FAM222B: variants seen among roughly 807,000 people sequenced by gnomAD.
The protein encoded by FAM222B is family with sequence similarity 222 member B.
FAM222B carries 12 observed loss-of-function variants against 38.0 expected under a neutral mutation model. That is an observed-to-expected ratio of 0.32 (90% CI 0.20 to 0.51). The LOEUF (loss-of-function observed/expected upper bound fraction) is 0.51. Ranked by LOEUF, FAM222B falls within the 20% of genes least tolerant of loss-of-function variation. The probability of loss-of-function intolerance (pLI) is 0.97; values close to 1 mark genes in which losing one functional copy is unlikely to be tolerated. For synonymous variants in FAM222B, 329 were observed against 317.2 expected (o/e 1.04, Z -0.40); for missense variants, 716 against 754.2 (o/e 0.95, Z 0.59).
intron 1 of FAM222B, among the ~76,000 whole-genome samples, chr17:28,815,131 G>A (rs748114743): frequency 8.6e-5 from 13 of 151,746 alleles, no homozygotes; most frequent in Non-Finnish European, 1.6e-4. Flanking sequence ...ATAATATCTA[G>A]ATGTTACACC....
At chr17:28,788,315 T>G (rs1221825855) in intron 1 of FAM222B, among the ~76,000 whole-genome samples, 1 of 152,206 alleles carries the variant, frequency 6.6e-6, no homozygotes, top group Non-Finnish European at 1.5e-5. Context: ...CATAGCTCAC[T>G]GCAACCTTGA....
At chr17:28,836,235 G>A (rs1354013534) in intron 1 of FAM222B, among the ~76,000 whole-genome samples, 2 of 151,754 alleles carry the variant, frequency 1.3e-5, no homozygotes, top group African/African-American at 4.8e-5. Flanking sequence ...TGATCCACCC[G>A]CCTCGGCCTC....
chr17:28,799,458 C>G (rs966594779), intron 1 of FAM222B, among the ~76,000 whole-genome samples: 1 of 150,886 alleles, frequency 6.6e-6, no homozygotes, highest in African/African-American at 2.4e-5. Context: ...CCACCACGAC[C>G]GGCTAATTTT....
At chr17:28,827,927 G>A (rs987960338) in intron 1 of FAM222B, among the ~76,000 whole-genome samples, 3 of 151,832 alleles carry the variant, frequency 2.0e-5, no homozygotes, top group African/African-American at 7.3e-5. Flanking sequence ...TAGTTAGGAG[G>A]CTACTGTAAC....
intron 1 of FAM222B, among the ~76,000 whole-genome samples, chr17:28,822,610 G>C (rs1386980104): frequency 2.2e-5 from 3 of 137,020 alleles, no homozygotes; most frequent in African/African-American, 5.4e-5. Context: ...TGGGCAACAA[G>C]AGCGAAACTC....
In FAM222B at chr17:28,831,358, C is replaced by CACTGTCTTG. The variant is rs141685986; in HGVS notation, c.-41+11315_-41+11323dup. On this transcript the variant is annotated intron_variant, in intron 1 of 2. Transcript: ENST00000581407. ...TGTATCTATCCTTCTGCCAATACCA[C>CACTGTCTTG]ACTGTCTTGATTACTGTAGCTCTTT... Among the ~76,000 whole-genome samples the CACTGTCTTG allele has an allele frequency of 7.5e-3, 1,143 of 152,238 alleles. 18 individuals are homozygous for CACTGTCTTG. Among genetic ancestry groups the CACTGTCTTG allele is most frequent in the African/African-American group, 0.025 (1,044 of 41,538 alleles).
chr17:28,849,872 G>C (rs2039169734), intron 1 of FAM222B, among the ~76,000 whole-genome samples: 1 of 151,934 alleles, frequency 6.6e-6, no homozygotes. Context: ...ACCTGAGATT[G>C]GGAGTTCGAG....
chr17:28,838,682 G>A (rs961246608), intron 1 of FAM222B, among the ~76,000 whole-genome samples: 12 of 150,180 alleles, frequency 8.0e-5, no homozygotes, highest in Non-Finnish European at 1.3e-4. Flanking sequence ...CGAGGCAGGC[G>A]GATCACCTGA....
chr17:28,800,629 G>A (rs952285379), intron 1 of FAM222B, among the ~76,000 whole-genome samples: 1 of 152,068 alleles, frequency 6.6e-6, no homozygotes, highest in Non-Finnish European at 1.5e-5. Context: ...CAGGGACTAT[G>A]GAAATAGTCA....
chr17:28,846,598 G>A (rs1043779037), upstream of FAM222B, among the ~76,000 whole-genome samples: 18 of 151,994 alleles, frequency 1.2e-4, no homozygotes, highest in African/African-American at 4.4e-4. Flanking sequence ...GGGTCTGGGA[G>A]GCGGAGGTTG....
At chr17:28,781,497 C>A (rs1338575457) in intron 1 of FAM222B, among the ~76,000 whole-genome samples, 1 of 151,964 alleles carries the variant, frequency 6.6e-6, no homozygotes, top group African/African-American at 2.4e-5. Context: ...AAACTGGAAA[C>A]AGAACTACCA....
intron 1 of FAM222B, among the ~76,000 whole-genome samples, chr17:28,819,504 C>T (rs2038140991): frequency 6.6e-6 from 1 of 151,996 alleles, no homozygotes; most frequent in Non-Finnish European, 1.5e-5. Context: ...TGCAAGCTTC[C>T]AGAGAAACTT....
At chr17:28,813,127 CA>C (rs201479723) in intron 1 of FAM222B, among the ~76,000 whole-genome samples, 6,876 of 43,428 alleles carry the variant, frequency 0.16, 637 homozygotes, top group African/African-American at 0.4. Flanking sequence ...TCATCAGACA[CA>C]AAAAAAAAAA....
At chr17:28,825,010 C>T (rs1245531886) in intron 1 of FAM222B, among the ~76,000 whole-genome samples, 2 of 151,936 alleles carry the variant, frequency 1.3e-5, no homozygotes, top group African/African-American at 2.4e-5. Flanking sequence ...GTGATCCGCC[C>T]GCCTTGGCCT....
chr17:28,762,838 G>T (rs1181864907), intron 2 of FAM222B, among the ~76,000 whole-genome samples: 2 of 150,614 alleles, frequency 1.3e-5, no homozygotes, highest in Non-Finnish European at 3.0e-5. Context: ...TACTCGGGAG[G>T]CTGAGGCAAA....
chr17:28,789,430 C>G (rs141306750), intron 1 of FAM222B, among the ~76,000 whole-genome samples: 1 of 152,064 alleles, frequency 6.6e-6, no homozygotes, highest in East Asian at 1.9e-4. Context: ...AACTCCTGAA[C>G]GATCCACCTG....
At chr17:28,776,249 C>T (rs753402879) in intron 1 of FAM222B, among the ~76,000 whole-genome samples, 3 of 149,910 alleles carry the variant, frequency 2.0e-5, no homozygotes, top group Non-Finnish European at 3.0e-5. Context: ...TGGTGGCAGG[C>T]GCCTATAGTC....
rs1395180425 is a variant in FAM222B at position 28,757,730 on chromosome 17, G to A, written c.*540C>T. 1 of 152,894 alleles carries A rather than the reference G, an allele frequency of 6.5e-6. No individual in the cohort carries two copies. The highest frequency in any genetic ancestry group is 2.4e-5 in the African/African-American group (1 of 41,436). The allele number at this position is 152,894 out of a possible 1,614,324, so 9.5% of individuals were successfully genotyped here. A position where few individuals can be genotyped will look rare whatever the true frequency, so the allele number is the denominator to read the frequency against. On this transcript the variant is annotated 3_prime_UTR_variant, in exon 3 of 3. Coordinates refer to ENST00000581407, the MANE Select transcript of FAM222B (RefSeq NM_001077498.3). ...TATAGACACAAAACAAAGCCTTGAG[G>A]AATGGAAAGGAACTTGAAGGATATG...
chr17:28,762,677 G>A (rs1190545928), intron 2 of FAM222B, among the ~76,000 whole-genome samples: 1 of 138,452 alleles, frequency 7.2e-6, no homozygotes, highest in Non-Finnish European at 1.5e-5. Flanking sequence ...GGTGGCTCAC[G>A]CCTGTAATCC....
Sources: allele counts gnomAD v4.1 joint callset (sites outside exome capture counted in the v4.1 genomes callset), GRCh38; gene constraint gnomAD v4.1.1; transcripts MANE v1.5; gene names NCBI Gene and HGNC (gene_info 2026-07-23, HGNC 2026-07-21).